ARB2A: variants seen among roughly 807,000 people sequenced by gnomAD.
The protein encoded by ARB2A is cotranscriptional regulator ARB2A.
At chr5:94,022,885 G>A in the ARB2A span, among the ~76,000 whole-genome samples, 1 of 152,198 alleles carries the variant, frequency 6.6e-6, no homozygotes, top group African/African-American at 2.4e-5. Flanking sequence ...CCATGGGAAG[G>A]TCATGCCCCA....
At chr5:93,843,587 C>A in the ARB2A span, among the ~76,000 whole-genome samples, 1 of 151,860 alleles carries the variant, frequency 6.6e-6, no homozygotes, top group African/African-American at 2.4e-5. Context: ...CCATGCCCCA[C>A]CATGCCTGGC....
the ARB2A span, among the ~76,000 whole-genome samples, chr5:93,940,649 T>C: frequency 3.3e-5 from 5 of 152,086 alleles, no homozygotes; most frequent in African/African-American, 1.2e-4. Context: ...GAGCAATTCC[T>C]ATGGACGCTA....
At chr5:93,750,814 C>G in the ARB2A span, among the ~76,000 whole-genome samples, 14 of 152,190 alleles carry the variant, frequency 9.2e-5, no homozygotes, top group Non-Finnish European at 2.1e-4. Flanking sequence ...CATGAGCCAT[C>G]ATACACAGCC....
At chr5:94,017,646 T>C in the ARB2A span, among the ~76,000 whole-genome samples, 1 of 152,186 alleles carries the variant, frequency 6.6e-6, no homozygotes, top group Non-Finnish European at 1.5e-5. Context: ...ATAAAGGTTG[T>C]TACTCTGAAA....
At chr5:93,761,801 C>T in the ARB2A span, among the ~76,000 whole-genome samples, 4 of 152,296 alleles carry the variant, frequency 2.6e-5, no homozygotes, top group African/African-American at 2.4e-5. Context: ...CTGGGAGGCA[C>T]CCCCGAGTAG....
At chr5:93,932,633 G>A in the ARB2A span, among the ~76,000 whole-genome samples, 372 of 152,262 alleles carry the variant, frequency 2.4e-3, 2 homozygotes, top group African/African-American at 8.4e-3. Context: ...AGCAAATCGT[G>A]TTTTCCAAAG....
At chr5:93,812,109 T>C in the ARB2A span, among the ~76,000 whole-genome samples, 1 of 152,110 alleles carries the variant, frequency 6.6e-6, no homozygotes, top group African/African-American at 2.4e-5. Context: ...TGTTAAAGTT[T>C]ACAATATACT....
the ARB2A span, among the ~76,000 whole-genome samples, chr5:93,637,890 T>C: frequency 6.6e-6 from 1 of 152,344 alleles, no homozygotes; most frequent in East Asian, 1.9e-4. Flanking sequence ...ACCTTTGGAC[T>C]GTATTGCATC....
At chr5:93,777,129 A>T in the ARB2A span, among the ~76,000 whole-genome samples, 1 of 126,200 alleles carries the variant, frequency 7.9e-6, no homozygotes, top group South Asian at 2.6e-4. Flanking sequence ...GGACACAGGA[A>T]GGGGAACATC....
At chr5:93,736,515 G>A in the ARB2A span, 2 of 152,170 alleles carry the variant, frequency 1.3e-5, no homozygotes, top group African/African-American at 4.8e-5. Context: ...CCCCGGGTGA[G>A]TCATTTACTC....
chr5:93,774,034 C>T, the ARB2A span, among the ~76,000 whole-genome samples: 1 of 152,190 alleles, frequency 6.6e-6, no homozygotes, highest in Non-Finnish European at 1.5e-5. Flanking sequence ...CCTTGGCCTC[C>T]CAAAGTACTG....
the ARB2A span, among the ~76,000 whole-genome samples, chr5:93,938,639 A>T: frequency 6.6e-6 from 1 of 152,298 alleles, no homozygotes; most frequent in African/African-American, 2.4e-5. Flanking sequence ...AAGAAGAGCA[A>T]GTCTGAATTT....
At chr5:94,084,052 C>G in the ARB2A span, among the ~76,000 whole-genome samples, 1 of 151,654 alleles carries the variant, frequency 6.6e-6, no homozygotes. Context: ...GCAGGTGGAT[C>G]CACCTGAGGT....
the ARB2A span, among the ~76,000 whole-genome samples, chr5:94,074,163 A>T: frequency 6.6e-6 from 1 of 152,154 alleles, no homozygotes; most frequent in Non-Finnish European, 1.5e-5. Context: ...TAGATAGCAG[A>T]TTTATTTTTT....
chr5:93,805,197 A>T, the ARB2A span: 1 of 985,144 alleles, frequency 1.0e-6, no homozygotes, highest in Non-Finnish European at 1.2e-6. Context: ...AAAGGGAAAT[A>T]ATGAGAACGG....
the ARB2A span, among the ~76,000 whole-genome samples, chr5:93,854,002 C>G: frequency 6.6e-6 from 1 of 152,088 alleles, no homozygotes; most frequent in Non-Finnish European, 1.5e-5. Flanking sequence ...CCCTCTTTTT[C>G]TATTGATTGG....
the ARB2A span, chr5:93,682,882 G>A: frequency 6.0e-6 from 9 of 1,509,638 alleles, no homozygotes; most frequent in Non-Finnish European, 8.2e-6. Flanking sequence ...TAGCCTCTTG[G>A]TTAGTCATCC....
chr5:93,718,919 T>A, the ARB2A span, among the ~76,000 whole-genome samples: 10 of 152,328 alleles, frequency 6.6e-5, no homozygotes, highest in African/African-American at 2.2e-4. Context: ...TCCCTATCAC[T>A]TTACTGCCAA....
At chr5:94,053,820 G>A in the ARB2A span, among the ~76,000 whole-genome samples, 1 of 152,172 alleles carries the variant, frequency 6.6e-6, no homozygotes, top group Non-Finnish European at 1.5e-5. Flanking sequence ...AGGCTGGAGT[G>A]CAGTGGCACA....
Sources: gnomAD v4.1 joint callset for allele counts (sites outside exome capture counted in the v4.1 genomes callset) on GRCh38, gnomAD v4.1.1 for gene constraint, MANE v1.5 for transcripts, NCBI Gene and HGNC (gene_info 2026-07-23, HGNC 2026-07-21) for gene names.